PCDH9: variants seen among roughly 807,000 people sequenced by gnomAD.
The protein encoded by PCDH9 is protocadherin 9.
A neutral mutation model predicts 70.6 loss-of-function variants in PCDH9; 24 were observed. The ratio of observed to expected loss-of-function variants is 0.34; its 90% CI spans 0.25 to 0.48. The LOEUF (loss-of-function observed/expected upper bound fraction) is 0.48, where lower values mean the gene tolerates loss of function less well. PCDH9 is among the 20% of genes least tolerant of loss of function. PCDH9 has a pLI of 0.99. For missense variants in PCDH9, 1,281 were observed against 1,503.6 expected (o/e 0.85, Z 2.45); for synonymous variants, 562 against 558.5 (o/e 1.01, Z -0.09).
chr13:66,442,526 T>C (rs931367375), intron 4 of PCDH9, among the ~76,000 whole-genome samples: 4 of 152,090 alleles, frequency 2.6e-5, no homozygotes, highest in Non-Finnish European at 5.9e-5. Flanking sequence ...AAATCTATGA[T>C]GATAAAAAAT....
intron 2 of PCDH9, among the ~76,000 whole-genome samples, chr13:66,922,913 A>G (rs147496916): frequency 1.3e-4 from 20 of 151,468 alleles, no homozygotes; most frequent in Non-Finnish European, 2.5e-4. Context: ...TATATTATTA[A>G]TTTTTTAGAA....
intron 3 of PCDH9, among the ~76,000 whole-genome samples, chr13:66,668,925 C>T (rs1566493731): frequency 6.6e-6 from 1 of 152,150 alleles, no homozygotes; most frequent in Non-Finnish European, 1.5e-5. Flanking sequence ...ATAATTTCTA[C>T]TCCACTGCTT....
At chr13:66,742,565 C>A (rs1293160986) in intron 3 of PCDH9, among the ~76,000 whole-genome samples, 12 of 145,380 alleles carry the variant, frequency 8.3e-5, no homozygotes, top group South Asian at 2.2e-4. Flanking sequence ...TAACCTACAA[C>A]ATGGGAGAAA....
At chr13:66,947,594 A>C (rs1262398718) in intron 2 of PCDH9, among the ~76,000 whole-genome samples, 1 of 152,130 alleles carries the variant, frequency 6.6e-6, no homozygotes, top group Non-Finnish European at 1.5e-5. Context: ...GTGGGTAGAA[A>C]AGTCTTCATG....
intron 3 of PCDH9, among the ~76,000 whole-genome samples, chr13:66,675,839 T>C (rs1385322943): frequency 6.6e-6 from 1 of 152,188 alleles, no homozygotes; most frequent in Non-Finnish European, 1.5e-5. Flanking sequence ...CTTGCTCTTG[T>C]GCAAGTCAGT....
intron 3 of PCDH9, among the ~76,000 whole-genome samples, chr13:66,683,529 C>A (rs768525737): frequency 6.6e-6 from 1 of 152,188 alleles, no homozygotes; most frequent in Non-Finnish European, 1.5e-5. Flanking sequence ...ATCTTGACAG[C>A]AACAGCTAGC....
intron 3 of PCDH9, among the ~76,000 whole-genome samples, chr13:66,688,483 C>T (rs151247808): frequency 6.6e-5 from 10 of 152,138 alleles, no homozygotes; most frequent in Middle Eastern, 6.8e-3. Context: ...GAGATATGCA[C>T]AAAGTGTTAA....
At chr13:66,883,675 TG>T (rs2081959382) in intron 3 of PCDH9, among the ~76,000 whole-genome samples, 1 of 152,276 alleles carries the variant, frequency 6.6e-6, no homozygotes, top group Admixed American at 6.5e-5. Context: ...GAAAGAAACC[TG>T]GGGTTTTTAA....
intron 4 of PCDH9, among the ~76,000 whole-genome samples, chr13:66,568,659 A>G (rs1402413258): frequency 1.3e-5 from 2 of 151,784 alleles, no homozygotes; most frequent in Non-Finnish European, 2.9e-5. Context: ...ATGACAGGGG[A>G]AAAACCCTGT....
chr13:66,313,523 A>G (rs901854604), intron 4 of PCDH9, among the ~76,000 whole-genome samples: 5 of 152,218 alleles, frequency 3.3e-5, no homozygotes, highest in East Asian at 1.9e-4. Flanking sequence ...AGCCACTTAC[A>G]TAATATTTTG....
intron 2 of PCDH9, among the ~76,000 whole-genome samples, chr13:67,039,600 T>G (rs2085073668): frequency 6.6e-6 from 1 of 152,204 alleles, no homozygotes; most frequent in African/African-American, 2.4e-5. Flanking sequence ...CAGCTTTCCA[T>G]TGTGTGTGGG....
chr13:66,603,086 C>A (rs1335144122), intron 4 of PCDH9, among the ~76,000 whole-genome samples: 2 of 145,890 alleles, frequency 1.4e-5, no homozygotes, highest in African/African-American at 4.9e-5. Context: ...TTTCTCAGAA[C>A]ACATCCCCAT....
intron 4 of PCDH9, among the ~76,000 whole-genome samples, chr13:66,484,006 G>C (rs1179346301): frequency 1.3e-5 from 2 of 152,066 alleles, no homozygotes; most frequent in African/African-American, 4.8e-5. Flanking sequence ...AGTTTGGCCG[G>C]GGCACTTGGA....
At chr13:67,107,737 G>A (rs1274828471) in intron 2 of PCDH9, among the ~76,000 whole-genome samples, 1 of 152,158 alleles carries the variant, frequency 6.6e-6, no homozygotes, top group Non-Finnish European at 1.5e-5. Context: ...CCTGCCAAAT[G>A]GCAGGACTGA....
chr13:66,691,641 A>C (rs1001147652), intron 3 of PCDH9, among the ~76,000 whole-genome samples: 3 of 152,182 alleles, frequency 2.0e-5, no homozygotes, highest in Non-Finnish European at 4.4e-5. Context: ...CTGATATCTC[A>C]GAAGAAAAAT....
intron 4 of PCDH9, among the ~76,000 whole-genome samples, chr13:66,401,558 T>C (rs907268947): frequency 1.3e-5 from 2 of 152,228 alleles, no homozygotes; most frequent in Middle Eastern, 3.4e-3. Flanking sequence ...ACTCATATGG[T>C]GGGGGAGAAA....
At chr13:67,079,549 G>C (rs751364945) in intron 2 of PCDH9, among the ~76,000 whole-genome samples, 5 of 152,066 alleles carry the variant, frequency 3.3e-5, no homozygotes, top group Non-Finnish European at 7.4e-5. Flanking sequence ...AGATGCTGAA[G>C]GAAGTAAAAA....
intron 3 of PCDH9, among the ~76,000 whole-genome samples, chr13:66,715,937 T>G (rs2139140557): frequency 6.6e-6 from 1 of 152,312 alleles, no homozygotes; most frequent in Middle Eastern, 3.4e-3. Flanking sequence ...TTTAAAACAC[T>G]TCATAAAGCA....
chr13:66,316,771 G>A (rs981049070), intron 4 of PCDH9, among the ~76,000 whole-genome samples: 5 of 152,226 alleles, frequency 3.3e-5, no homozygotes, highest in African/African-American at 1.2e-4. Flanking sequence ...TTTCCAGGCT[G>A]GAGTAAAATG....
Sources: allele counts gnomAD v4.1 joint callset (sites outside exome capture counted in the v4.1 genomes callset), GRCh38; gene constraint gnomAD v4.1.1; transcripts MANE v1.5; gene names NCBI Gene and HGNC (gene_info 2026-07-23, HGNC 2026-07-21).